Variants in CREB5 observed in about 807,000 individuals in gnomAD.
CREB5 encodes cAMP responsive element binding protein 5, also known as cyclic AMP-responsive element-binding protein 5.
In CREB5, 19 loss-of-function variants were observed where a neutral mutation model predicts 57.1. That is an observed-to-expected ratio of 0.33 (90% CI 0.23 to 0.49). The LOEUF is 0.49. Among genes scored for constraint, CREB5 ranks in the 20% least tolerant of loss-of-function variants. The pLI, the probability that CREB5 is intolerant of heterozygous loss-of-function variation, is 0.99. For synonymous variants in CREB5, 238 were observed against 238.3 expected (o/e 1.00, Z 0.01); for missense variants, 579 against 671.6 (o/e 0.86, Z 1.52).
chr7:28,592,469 G>A (rs943510050), intron 5 of CREB5, among the ~76,000 whole-genome samples: 3 of 152,184 alleles, frequency 2.0e-5, no homozygotes, highest in Non-Finnish European at 4.4e-5. Context: ...CTTAGAAGGT[G>A]TATTTAAATC....
rs539014270 is a variant in CREB5 at position 28,589,615 on chromosome 7, G to A, written c.464+19078G>A. On this transcript the variant is annotated intron_variant, in intron 5 of 10. Coordinates refer to ENST00000357727, the MANE Select transcript of CREB5 (RefSeq NM_182898.4). ...ATATTTCTTTGTGGTTCTTTTTGTT[G>A]CTGTTTACAAATAGCGAAATGCATA... Among the ~76,000 whole-genome samples the A allele has an allele frequency of 2.0e-5, 3 of 152,264 alleles. No individual in the cohort carries two copies. In the East Asian group the frequency reaches 5.8e-4, roughly 29 times the overall value.
intron 7 of CREB5, among the ~76,000 whole-genome samples, chr7:28,783,943 T>C (rs1807148041): frequency 6.6e-6 from 1 of 152,138 alleles, no homozygotes; most frequent in Admixed American, 6.5e-5. Context: ...ACTGGCAGCC[T>C]CATATATATT....
At position 28,686,864 on chromosome 7, in the gene CREB5, C is replaced by T. The variant is rs570358934; in HGVS notation, c.465-31889C>T. Among the ~76,000 whole-genome samples the T allele has an allele frequency of 3.3e-5, 5 of 151,938 alleles. No individual in the cohort carries two copies. The East Asian group carries it at 7.7e-4, about 23-fold the overall frequency. ...TATATTATGGTATTTTAAAATAACA[C>T]GATATTATCACAGCTGTGTATTATT... is the stretch of plus-strand genomic sequence containing the variant. On this transcript the variant is annotated intron_variant, in intron 5 of 10. Coordinates refer to ENST00000357727, the MANE Select transcript of CREB5 (RefSeq NM_182898.4).
intron 7 of CREB5, among the ~76,000 whole-genome samples, chr7:28,732,840 G>GTGGTT (rs1803735983): frequency 1.0e-5 from 1 of 97,088 alleles, no homozygotes; most frequent in Non-Finnish European, 2.5e-5. Flanking sequence ...AAGGTTTAGG[G>GTGGTT]TTGTTTTTTT....
chr7:28,774,165 T>A (rs4719953), intron 7 of CREB5, among the ~76,000 whole-genome samples: 43,939 of 152,166 alleles, frequency 0.29, 6,910 homozygotes, highest in South Asian at 0.41. Flanking sequence ...AGTTGCTGTT[T>A]AGACTTGGAG....
intron 7 of CREB5, among the ~76,000 whole-genome samples, chr7:28,742,803 A>T (rs1262802885): frequency 6.6e-6 from 1 of 151,870 alleles, no homozygotes; most frequent in Non-Finnish European, 1.5e-5. Flanking sequence ...TTCTTTTGAG[A>T]TGGAGTTTCA....
intron 7 of CREB5, among the ~76,000 whole-genome samples, chr7:28,767,390 T>G (rs1448332583): frequency 6.6e-6 from 1 of 152,212 alleles, no homozygotes; most frequent in African/African-American, 2.4e-5. Context: ...AGTTGATATA[T>G]TCATGACATT....
chr7:28,326,174 T>C (rs994024991), intron 1 of CREB5, among the ~76,000 whole-genome samples: 2 of 148,508 alleles, frequency 1.3e-5, no homozygotes, highest in African/African-American at 4.9e-5. Context: ...TCTATCTATC[T>C]ATCTATCTAT....
intron 5 of CREB5, chr7:28,686,227 C>T (rs1800893344): frequency 6.3e-7 from 1 of 1,575,858 alleles, no homozygotes; most frequent in Non-Finnish European, 8.7e-7. Flanking sequence ...TTCTTTTCTC[C>T]TGATTTTATA....
chr7:28,771,864 T>C (rs1408283609), intron 7 of CREB5, among the ~76,000 whole-genome samples: 4 of 152,126 alleles, frequency 2.6e-5, no homozygotes, highest in African/African-American at 7.2e-5. Context: ...CTTTGGTCAT[T>C]TAAAAAAGGT....
intron 1 of CREB5, among the ~76,000 whole-genome samples, chr7:28,464,031 T>G (rs1469852530): frequency 6.6e-6 from 1 of 152,204 alleles, no homozygotes; most frequent in Non-Finnish European, 1.5e-5. Context: ...TACACAAATG[T>G]GATATTAATG....
At chr7:28,363,315 C>T (rs530562408) in intron 1 of CREB5, among the ~76,000 whole-genome samples, 2 of 152,090 alleles carry the variant, frequency 1.3e-5, no homozygotes, top group Admixed American at 6.6e-5. Flanking sequence ...TTCCTTTGAT[C>T]GGGCTAAATG....
intron 1 of CREB5, among the ~76,000 whole-genome samples, chr7:28,322,925 A>G (rs752701147): frequency 2.1e-4 from 32 of 152,142 alleles, no homozygotes; most frequent in East Asian, 3.9e-4. Context: ...ATCATTTTCT[A>G]TAATTATCCA....
At chr7:28,515,534 G>A (rs564601945) in intron 4 of CREB5, among the ~76,000 whole-genome samples, 12 of 152,132 alleles carry the variant, frequency 7.9e-5, no homozygotes, top group South Asian at 2.1e-4. Flanking sequence ...TCAACATGCC[G>A]GAAACCATAC....
intron 5 of CREB5, among the ~76,000 whole-genome samples, chr7:28,712,220 A>C (rs1241525431): frequency 6.6e-6 from 1 of 152,100 alleles, no homozygotes; most frequent in Non-Finnish European, 1.5e-5. Context: ...GATTATTCTA[A>C]CAATTTTCTT....
chr7:28,563,719 A>T lies in CREB5; in HGVS notation c.292-6646A>T, dbSNP rs1795367156. 3.3e-5 allele frequency among the ~76,000 whole-genome samples: 5 copies of T among 152,240 alleles called. No homozygotes were observed. The South Asian group carries it at 8.3e-4, about 25-fold the overall frequency. Reference sequence around the variant, plus strand: ...TTTCTTAGTGAAAAAGCAGAATTTAAATATGTGTATCAAGGCTAGAGTTTT... The same window carrying T: ...TTTCTTAGTGAAAAAGCAGAATTTATATATGTGTATCAAGGCTAGAGTTTT... On this transcript the variant is annotated intron_variant, in intron 4 of 10. Coordinates refer to ENST00000357727, the MANE Select transcript of CREB5 (RefSeq NM_182898.4).
In CREB5 at chr7:28,689,516, G is replaced by A. The variant is rs1427415667; in HGVS notation, c.465-29237G>A. Among the ~76,000 whole-genome samples, 3 of 152,094 alleles carry A rather than the reference G, an allele frequency of 2.0e-5. No individual in the cohort carries two copies. The East Asian group carries it at 5.8e-4, about 29-fold the overall frequency. On this transcript the variant is annotated intron_variant, in intron 5 of 10. Coordinates refer to ENST00000357727, the MANE Select transcript of CREB5 (RefSeq NM_182898.4). ...GAGATTCCCATGTATTCTTTGCCCAGTTACCCTCAATGGTAACATCTTGCA... is the reference window on the plus strand; with the variant it reads ...GAGATTCCCATGTATTCTTTGCCCAATTACCCTCAATGGTAACATCTTGCA...
chr7:28,380,958 TA>T (rs1786955060), intron 1 of CREB5, among the ~76,000 whole-genome samples: 1 of 152,186 alleles, frequency 6.6e-6, no homozygotes, highest in African/African-American at 2.4e-5. Context: ...CATGAAATTA[TA>T]ATGTTGTCTG....
At chr7:28,622,681 T>C (rs543460643) in intron 5 of CREB5, among the ~76,000 whole-genome samples, 1 of 152,112 alleles carries the variant, frequency 6.6e-6, no homozygotes, top group Non-Finnish European at 1.5e-5. Flanking sequence ...AATGACTTAT[T>C]TATGGGCACA....
Sources: gnomAD v4.1 joint callset for allele counts (sites outside exome capture counted in the v4.1 genomes callset) on GRCh38, gnomAD v4.1.1 for gene constraint, MANE v1.5 for transcripts, NCBI Gene and HGNC (gene_info 2026-07-23, HGNC 2026-07-21) for gene names.